DRC1: variants seen among roughly 807,000 people sequenced by gnomAD.
The protein encoded by DRC1 is dynein regulatory complex subunit 1.
In DRC1, 74 loss-of-function variants were observed where a neutral mutation model predicts 98.7. That is an observed-to-expected ratio of 0.75 (90% confidence interval 0.62 to 0.91). DRC1 has a LOEUF of 0.91. DRC1 is among the 40% of genes least tolerant of loss of function. The probability of loss-of-function intolerance (pLI) is 0.00; values close to 1 mark genes in which losing one functional copy is unlikely to be tolerated. For synonymous variants in DRC1, 336 were observed against 334.1 expected (o/e 1.01, Z -0.06); for missense variants, 875 against 886.0 (o/e 0.99, Z 0.16).
In DRC1 at chr2:26,448,810, C is replaced by T; in HGVS notation, c.1509+7C>T. On this transcript the variant is annotated splice_region_variant and intron_variant, in intron 11 of 16. Coordinates refer to ENST00000288710, the MANE Select transcript of DRC1 (RefSeq NM_145038.5). ...GCTCCTGTGTGACGAGTCGGTGAGG[C>T]CAGGCGGGGGCTGCAGCAGAGGGAC... 1.9e-6 allele frequency: 3 copies of T among 1,613,496 alleles called. No individual in the cohort carries two copies. Among genetic ancestry groups the T allele is most frequent in the Non-Finnish European group, 2.5e-6 (3 of 1,179,650 alleles).
chr2:26,439,936 T>TATATATATATATATATATACAC (rs548209014), intron 7 of DRC1, among the ~76,000 whole-genome samples: 5 of 75,464 alleles, frequency 6.6e-5, no homozygotes, highest in Non-Finnish European at 9.6e-5. Flanking sequence ...TATATATATA[T>TATATATATATATATATATACAC]ACACACACAC....
intron 7 of DRC1, among the ~76,000 whole-genome samples, chr2:26,433,949 A>G (rs138591176): frequency 9.1e-4 from 139 of 152,322 alleles, no homozygotes; most frequent in African/African-American, 3.3e-3. Flanking sequence ...TCATCCAATC[A>G]GGGACTACCC....
chr2:26,433,595 T>C (rs1028483209), intron 7 of DRC1, among the ~76,000 whole-genome samples: 14 of 152,252 alleles, frequency 9.2e-5, no homozygotes, highest in African/African-American at 3.1e-4. Context: ...GTGACAAAAC[T>C]ACATACTGTT....
At position 26,452,772 on chromosome 2, in the gene DRC1, A is replaced by C. The variant is rs910415345; in HGVS notation, c.1690-548A>C. ...GTACCTAAGGTTTATTGGTAAGTGTAAAAGCAAACTACAGAACTCTATTTG... is the reference window on the plus strand; with the variant it reads ...GTACCTAAGGTTTATTGGTAAGTGTCAAAGCAAACTACAGAACTCTATTTG... On this transcript the variant is annotated intron_variant, in intron 13 of 16. Coordinates refer to ENST00000288710, the MANE Select transcript of DRC1 (RefSeq NM_145038.5). 3.3e-5 allele frequency among the ~76,000 whole-genome samples: 5 copies of C among 152,352 alleles called. No homozygotes were observed. In the East Asian group the frequency reaches 9.6e-4, roughly 29 times the overall value.
Position 26,402,000 on chromosome 2 carries a change from CG to C in DRC1, c.15del (p.Ser6ProfsTer2). ...CCAGGGACTCCTGCCATGAATCCGCCGGGGTCCCTAGAGGCCCTGGACCCGA... is the reference window on the plus strand; with the variant it reads ...CCAGGGACTCCTGCCATGAATCCGCCGGGTCCCTAGAGGCCCTGGACCCGA... The part of the protein sequence containing the change: MNP[P>X]GSLEALDPNV... On this transcript the variant is annotated frameshift_variant, in exon 1 of 17. Coordinates refer to ENST00000288710, the MANE Select transcript of DRC1 (RefSeq NM_145038.5). LOFTEE classifies it high-confidence loss of function. 6.2e-7 allele frequency: 1 copy of C among 1,606,494 alleles called. No individual in the cohort carries two copies. Among genetic ancestry groups the C allele is most frequent in the South Asian group, 1.1e-5 (1 of 89,408 alleles).
rs183310312 is a variant in DRC1 at position 26,415,890 on chromosome 2, C to T, written c.243+1459C>T. 2.6e-3 allele frequency among the ~76,000 whole-genome samples: 393 copies of T among 149,680 alleles called. 1 individual carries two copies. The highest frequency in any genetic ancestry group is 0.01 in the Middle Eastern group (3 of 288). On this transcript the variant is annotated intron_variant, in intron 2 of 16. Coordinates refer to ENST00000288710, the MANE Select transcript of DRC1 (RefSeq NM_145038.5). ...GAGGTTGCAGTGATCTGAGATCAGG[C>T]CACTGCACTCTAGCCTGGGTGACAG...
In DRC1 at chr2:26,450,694, G is replaced by T. The variant is rs770895518; in HGVS notation, c.1689+13G>T. ...TTCCAGCCTCCAGGTAAGGCAAGGT[G>T]CAGAGAGAAGAAAGCATTTTCTTTC... On this transcript the variant is annotated intron_variant, in intron 13 of 16. Transcript: ENST00000288710. The T allele has an allele frequency of 9.1e-6, 14 of 1,544,244 alleles. No individual in the cohort carries two copies. The highest frequency in any genetic ancestry group is 1.5e-5 in the African/African-American group (1 of 65,466).
intron 1 of DRC1, among the ~76,000 whole-genome samples, chr2:26,413,870 T>C (rs1226315941): frequency 6.6e-6 from 1 of 152,004 alleles, no homozygotes; most frequent in Admixed American, 6.6e-5. Context: ...ATTATATAGA[T>C]ATTCTCCTGT....
chr2:26,409,310 T>C lies in DRC1; in HGVS notation c.156-5034T>C, dbSNP rs148274124. Among the ~76,000 whole-genome samples the C allele has an allele frequency of 3.9e-5, 6 of 152,330 alleles. No individual in the cohort carries two copies. In the East Asian group the frequency reaches 1.2e-3, roughly 29 times the overall value. ...TTTTTTCTGCTTTATCCTGACACCATATTACAAGCTTCCAAATGGCTAGGG... is the reference window on the plus strand; with the variant it reads ...TTTTTTCTGCTTTATCCTGACACCACATTACAAGCTTCCAAATGGCTAGGG... On this transcript the variant is annotated intron_variant, in intron 1 of 16. Transcript: ENST00000288710.
intron 1 of DRC1, 144 bp downstream of exon 1, chr2:26,402,288 C>A (rs886507707): frequency 4.5e-6 from 6 of 1,326,432 alleles, no homozygotes; most frequent in Non-Finnish European, 6.0e-6. Flanking sequence ...GTGGCGCGCG[C>A]CTGTCATCCC....
At chr2:26,403,184 C>T (rs1325252484) in intron 1 of DRC1, among the ~76,000 whole-genome samples, 1 of 152,120 alleles carries the variant, frequency 6.6e-6, no homozygotes, top group Non-Finnish European at 1.5e-5. Context: ...GTATAGCATT[C>T]GCATATACTC....
At chr2:26,423,990 T>G (rs1251270891) in intron 3 of DRC1, among the ~76,000 whole-genome samples, 1 of 152,144 alleles carries the variant, frequency 6.6e-6, no homozygotes, top group Non-Finnish European at 1.5e-5. Flanking sequence ...CAATCGATCT[T>G]GGTGTGTGTG....
chr2:26,448,822 T>G lies in DRC1; in HGVS notation c.1509+19T>G. ...CGAGTCGGTGAGGCCAGGCGGGGGCTGCAGCAGAGGGACTCACGGGGGTGT... is the reference window on the plus strand; with the variant it reads ...CGAGTCGGTGAGGCCAGGCGGGGGCGGCAGCAGAGGGACTCACGGGGGTGT... On this transcript the variant is annotated intron_variant, in intron 11 of 16. Coordinates refer to ENST00000288710, the MANE Select transcript of DRC1 (RefSeq NM_145038.5). 1 of 1,611,742 alleles carries G rather than the reference T, an allele frequency of 6.2e-7. No homozygotes were observed. The highest frequency in any genetic ancestry group is 8.5e-7 in the Non-Finnish European group (1 of 1,178,222).
At chr2:26,421,150 T>C (rs1663128313) in intron 2 of DRC1, 138 bp from the exon 3 acceptor site, 4 of 622,670 alleles carry the variant, frequency 6.4e-6, no homozygotes, top group Middle Eastern at 4.6e-4. Flanking sequence ...CAGAGGCTAC[T>C]CTTAAAAATC....
intron 1 of DRC1, among the ~76,000 whole-genome samples, chr2:26,412,647 T>A (rs1326146922): frequency 6.6e-6 from 1 of 152,170 alleles, no homozygotes; most frequent in Admixed American, 6.5e-5. Context: ...ATTTAGAAAA[T>A]TCATGCAATA....
chr2:26,446,812 C>T (rs1036152097), intron 10 of DRC1, among the ~76,000 whole-genome samples: 4 of 152,208 alleles, frequency 2.6e-5, no homozygotes, highest in Non-Finnish European at 5.9e-5. Context: ...TCACCTGGAG[C>T]CAGGTGCGAT....
At chr2:26,411,548 C>T (rs1678610189) in intron 1 of DRC1, among the ~76,000 whole-genome samples, 1 of 137,726 alleles carries the variant, frequency 7.3e-6, no homozygotes, top group African/African-American at 2.5e-5. Context: ...GCATAAAAGA[C>T]AATGATGAGA....
At chr2:26,411,127 G>T (rs1390832496) in intron 1 of DRC1, among the ~76,000 whole-genome samples, 5 of 152,188 alleles carry the variant, frequency 3.3e-5, no homozygotes, top group African/African-American at 1.2e-4. Flanking sequence ...AGAGGACTCA[G>T]CCCCCAGGAG....
intron 10 of DRC1, chr2:26,448,351 A>G: frequency 2.0e-6 from 1 of 512,700 alleles, no homozygotes; most frequent in South Asian, 1.5e-5. Context: ...CATCTCTGAA[A>G]TAAGAATAAA....
Sources: gnomAD v4.1 joint callset for allele counts (sites outside exome capture counted in the v4.1 genomes callset) on GRCh38, gnomAD v4.1.1 for gene constraint, MANE v1.5 for transcripts, NCBI Gene and HGNC (gene_info 2026-07-23, HGNC 2026-07-21) for gene names.